MINDY4: variants seen among roughly 807,000 people sequenced by gnomAD.
The protein encoded by MINDY4 is MINDY lysine 48 deubiquitinase 4.
A neutral mutation model predicts 87.0 loss-of-function variants in MINDY4; 68 were observed. The ratio of observed to expected loss-of-function variants is 0.78; its 90% CI spans 0.64 to 0.96. MINDY4 has a LOEUF of 0.96. Ranked by LOEUF, MINDY4 falls within the 40% of genes least tolerant of loss-of-function variation. The pLI, the probability that MINDY4 is intolerant of heterozygous loss-of-function variation, is 0.00. For missense variants in MINDY4, 919 were observed against 928.2 expected (o/e 0.99, Z 0.13); for synonymous variants, 379 against 363.2 (o/e 1.04, Z -0.50).
intron 2 of MINDY4, chr7:30,781,326 G>T (rs1303893175): frequency 1.3e-5 from 2 of 152,300 alleles, no homozygotes; most frequent in African/African-American, 2.4e-5. Context: ...GAGAGAATCT[G>T]TATTTTTAAA....
At chr7:30,847,894 C>G (rs918320067) in intron 9 of MINDY4, among the ~76,000 whole-genome samples, 2 of 152,148 alleles carry the variant, frequency 1.3e-5, no homozygotes, top group African/African-American at 4.8e-5. Context: ...TGCCACCACA[C>G]CTGGCTGATT....
chr7:30,803,915 C>T (rs370845897), intron 5 of MINDY4, among the ~76,000 whole-genome samples: 11 of 152,172 alleles, frequency 7.2e-5, no homozygotes, highest in Non-Finnish European at 1.6e-4. Context: ...AAAAGATGGG[C>T]GTCCTTGTTC....
At chr7:30,790,185 C>G (rs10261584) in intron 4 of MINDY4, among the ~76,000 whole-genome samples, 7 of 152,150 alleles carry the variant, frequency 4.6e-5, no homozygotes, top group African/African-American at 7.2e-5. Context: ...GGTGCCTCAT[C>G]CCTCATCCAA....
Position 30,785,800 on chromosome 7 carries a change from G to A in MINDY4, c.471G>A (p.Arg157=), listed in dbSNP as rs760990010. 9.3e-6 allele frequency: 15 copies of A among 1,613,980 alleles called. No homozygotes were observed. The highest frequency in any genetic ancestry group is 1.3e-5 in the Non-Finnish European group (15 of 1,180,024). Residue 157 remains arginine, a synonymous_variant, in exon 4 of 18, where the codon AGG becomes AGA. Coordinates refer to ENST00000265299, the MANE Select transcript of MINDY4 (RefSeq NM_032222.3). ...DVLGNFVSSK[R]PPHKSKPMQT... Reference sequence around the variant, plus strand: ...TTGGTAATTTTGTATCATCTAAAAGGCCCCCGCACAAAAGTAAGCCCATGC... The same window carrying A: ...TTGGTAATTTTGTATCATCTAAAAGACCCCCGCACAAAAGTAAGCCCATGC...
chr7:30,788,705 A>G (rs1329202438), intron 4 of MINDY4, among the ~76,000 whole-genome samples: 1 of 152,158 alleles, frequency 6.6e-6, no homozygotes, highest in Non-Finnish European at 1.5e-5. Context: ...TTGAGTAACC[A>G]TAGTTTGTCT....
chr7:30,808,120 C>T (rs1787869120), intron 5 of MINDY4, among the ~76,000 whole-genome samples: 1 of 152,146 alleles, frequency 6.6e-6, no homozygotes, highest in Non-Finnish European at 1.5e-5. Flanking sequence ...GAGAGCGCTC[C>T]CGGGTAGGCA....
chr7:30,786,866 A>G (rs1435541818), intron 4 of MINDY4, among the ~76,000 whole-genome samples: 1 of 152,216 alleles, frequency 6.6e-6, no homozygotes, highest in Non-Finnish European at 1.5e-5. Context: ...GACAAATGTA[A>G]AAGAAGTTTG....
At chr7:30,822,678 A>G (rs532921749) in intron 5 of MINDY4, among the ~76,000 whole-genome samples, 1 of 136,328 alleles carries the variant, frequency 7.3e-6, no homozygotes, top group East Asian at 2.2e-4. Flanking sequence ...CACTCTTGCT[A>G]GGCTGGAGTG....
At chr7:30,772,435 T>C (rs1405449829) in intron 1 of MINDY4, among the ~76,000 whole-genome samples, 4 of 152,238 alleles carry the variant, frequency 2.6e-5, no homozygotes, top group Non-Finnish European at 5.9e-5. Flanking sequence ...AGTACTTTAC[T>C]CACTGTCTCA....
chr7:30,782,156 C>A lies in MINDY4; in HGVS notation c.363C>A (p.Asp121Glu), dbSNP rs1787024533. ...AGACTACACTGGTAAATATATATGA[C>A]CTTTCAGATGAAGATGCAGGATGGA... ...CSETTLVNIY[D>E]LSDEDAGWRT... The change falls in exon 3 of 18, where the codon GAC (aspartate) becomes GAA (glutamate). Residue 121 changes from aspartate (D) to glutamate (E), a missense_variant. By Grantham distance (45) the Asp-to-Glu change is conservative. Transcript: ENST00000265299. 1 of 1,613,906 alleles carries A rather than the reference C, an allele frequency of 6.2e-7. No homozygotes were observed. Among genetic ancestry groups the A allele is most frequent in the South Asian group, 1.1e-5 (1 of 91,058 alleles).
At chr7:30,866,070 C>T (rs1789925688) in intron 13 of MINDY4, among the ~76,000 whole-genome samples, 1 of 152,196 alleles carries the variant, frequency 6.6e-6, no homozygotes. Flanking sequence ...AAGTCACAGC[C>T]ACTGAGCTGT....
chr7:30,888,173 G>A (rs561475732), intron 17 of MINDY4, among the ~76,000 whole-genome samples: 2 of 152,130 alleles, frequency 1.3e-5, no homozygotes, highest in Admixed American at 6.5e-5. Flanking sequence ...GATGCCTCTG[G>A]GGGGACAGGG....
chr7:30,867,703 TG>T (rs988053177), intron 13 of MINDY4, among the ~76,000 whole-genome samples: 1 of 151,734 alleles, frequency 6.6e-6, no homozygotes, highest in Non-Finnish European at 1.5e-5. Flanking sequence ...TGCTGGTGGG[TG>T]GGGGAAGTGT....
chr7:30,809,544 T>C (rs1408296475), intron 5 of MINDY4, among the ~76,000 whole-genome samples: 3 of 151,258 alleles, frequency 2.0e-5, no homozygotes, highest in African/African-American at 4.9e-5. Flanking sequence ...TCCCAGGTAA[T>C]TGAAGGAAAA....
chr7:30,817,825 A>G (rs1584271813), intron 5 of MINDY4, among the ~76,000 whole-genome samples: 1 of 152,212 alleles, frequency 6.6e-6, no homozygotes, highest in Non-Finnish European at 1.5e-5. Flanking sequence ...TCTCTCATTC[A>G]TTATAATCTA....
Position 30,791,577 on chromosome 7 carries a change from G to A in MINDY4, c.1073+3G>A. On this transcript the variant is annotated splice_donor_region_variant and intron_variant, in intron 5 of 17. Coordinates refer to ENST00000265299, the MANE Select transcript of MINDY4 (RefSeq NM_032222.3). The stretch of plus-strand genomic sequence containing the variant: ...GGCAGCCAGCCCGCACCTGTCAGGT[G>A]AGTGTGCTATGCAAAGGTGACGGCT... The A allele has an allele frequency of 6.2e-7, 1 of 1,606,994 alleles. No homozygotes were observed.
intron 5 of MINDY4, among the ~76,000 whole-genome samples, chr7:30,807,501 A>AT (rs982342972): frequency 3.9e-5 from 6 of 152,124 alleles, no homozygotes; most frequent in African/African-American, 1.4e-4. Context: ...TCCATTTTAG[A>AT]TTTAAAAAAA....
chr7:30,874,677 A>G (rs540438413), intron 14 of MINDY4, among the ~76,000 whole-genome samples: 2 of 152,218 alleles, frequency 1.3e-5, no homozygotes, highest in Non-Finnish European at 1.5e-5. Flanking sequence ...GCAGAAGCAG[A>G]GCTAGAACTC....
intron 9 of MINDY4, among the ~76,000 whole-genome samples, chr7:30,843,978 C>T (rs1026925598): frequency 3.3e-5 from 5 of 152,180 alleles, no homozygotes; most frequent in African/African-American, 4.8e-5. Flanking sequence ...TGGGAGAGCA[C>T]GGCCTGCTGG....
Sources: allele counts gnomAD v4.1 joint callset (sites outside exome capture counted in the v4.1 genomes callset), GRCh38; gene constraint gnomAD v4.1.1; transcripts MANE v1.5; gene names NCBI Gene and HGNC (gene_info 2026-07-23, HGNC 2026-07-21).